The following GRIN2B variants were observed in gnomAD, a reference collection of about 807,000 sequenced individuals.
GRIN2B encodes the protein glutamate ionotropic receptor NMDA type subunit 2B, also known as glutamate receptor ionotropic, NMDA 2B.
A neutral mutation model predicts 114.5 loss-of-function variants in GRIN2B; 5 were observed. The ratio of observed to expected loss-of-function variants is 0.04; its 90% confidence interval spans 0.02 to 0.09. The LOEUF (loss-of-function observed/expected upper bound fraction) is 0.09, where lower values mean the gene tolerates loss of function less well. GRIN2B is among the 10% of genes least tolerant of loss of function. The pLI, the probability that GRIN2B is intolerant of heterozygous loss-of-function variation, is 1.00. For synonymous variants in GRIN2B, 787 were observed against 745.1 expected (o/e 1.06, Z -0.92); for missense variants, 1,108 against 1,943.5 (o/e 0.57, Z 8.08).
At chr12:13,566,990 T>C in intron 13 of GRIN2B, 35 bp downstream of exon 13, 1 of 1,432,450 alleles carries the variant, frequency 7.0e-7, no homozygotes, top group Non-Finnish European at 9.9e-7. Flanking sequence ...AAGCTGTCCC[T>C]AACAAGCTTT....
intron 4 of GRIN2B, among the ~76,000 whole-genome samples, chr12:13,751,645 A>T (rs1320444773): frequency 1.3e-5 from 2 of 152,146 alleles, no homozygotes; most frequent in African/African-American, 4.8e-5. Flanking sequence ...GTGGGAGACT[A>T]GTGGGAGAAG....
intron 5 of GRIN2B, among the ~76,000 whole-genome samples, chr12:13,651,469 A>C (rs1407085207): frequency 6.6e-6 from 1 of 152,138 alleles, no homozygotes; most frequent in African/African-American, 2.4e-5. Context: ...ACTTTGTCAA[A>C]AAATAGCACC....
At position 13,913,875 on chromosome 12, in the gene GRIN2B, C is replaced by T. The variant is rs149261034; in HGVS notation, c.-18-47649G>A. Reference sequence around the variant, plus strand: ...TCAGTTTCCTCATCTATAAAATAGACGTAACAGTAGTATCTACCTCATAGA... The same window carrying T: ...TCAGTTTCCTCATCTATAAAATAGATGTAACAGTAGTATCTACCTCATAGA... On this transcript the variant is annotated intron_variant, in intron 2 of 13. Transcript: ENST00000609686. Among the ~76,000 whole-genome samples, 1,464 of 152,220 alleles carry T rather than the reference C, an allele frequency of 9.6e-3. 15 individuals carry two copies. Among genetic ancestry groups the T allele is most frequent in the Middle Eastern group, 0.034 (10 of 294 alleles).
intron 2 of GRIN2B, among the ~76,000 whole-genome samples, chr12:13,941,399 C>A (rs112628181): frequency 8.5e-5 from 13 of 152,220 alleles, no homozygotes; most frequent in African/African-American, 2.9e-4. Context: ...AGGCAGGTTG[C>A]CAAACCCTCC....
At position 13,696,832 on chromosome 12, in the gene GRIN2B, A is replaced by G. The variant is rs547710073; in HGVS notation, c.1011-20973T>C. Among the ~76,000 whole-genome samples, 7 of 152,264 alleles carry G rather than the reference A, an allele frequency of 4.6e-5. No homozygotes were observed. The East Asian group carries it at 1.4e-3, about 29-fold the overall frequency. On this transcript the variant is annotated intron_variant, in intron 4 of 13. Coordinates refer to ENST00000609686, the MANE Select transcript of GRIN2B (RefSeq NM_000834.5). Reference sequence around the variant, plus strand: ...GGGCATACCTAACCAAAATCAACAGATAACTCCAAAACTTATTGTAGGCAA... The same window carrying G: ...GGGCATACCTAACCAAAATCAACAGGTAACTCCAAAACTTATTGTAGGCAA...
Position 13,558,314 on chromosome 12 carries a change from A to AACAG in GRIN2B, c.*4465_*4468dup, listed in dbSNP as rs1488627553. ...ATCTGAATCATTCCTAACATACAAA[A>AACAG]ACAGACATTCACAGGGTGTCAAGCA... On this transcript the variant is annotated 3_prime_UTR_variant, in exon 14 of 14. Coordinates refer to ENST00000609686, the MANE Select transcript of GRIN2B (RefSeq NM_000834.5). 6.6e-6 allele frequency: 1 copy of AACAG among 152,142 alleles called. No homozygotes were observed. The highest frequency in any genetic ancestry group is 1.5e-5 in the Non-Finnish European group (1 of 68,038). The allele number at this position is 152,142 out of a possible 1,614,324, so 9.4% of individuals were successfully genotyped here.
intron 2 of GRIN2B, among the ~76,000 whole-genome samples, chr12:13,923,297 T>A (rs1565588170): frequency 6.6e-6 from 1 of 152,194 alleles, no homozygotes. Context: ...TAGATTCAAC[T>A]TGGAAACAAT....
At chr12:13,722,567 A>G (rs1396485629) in intron 4 of GRIN2B, among the ~76,000 whole-genome samples, 1 of 152,092 alleles carries the variant, frequency 6.6e-6, no homozygotes, top group Non-Finnish European at 1.5e-5. Context: ...CTGGCAGAAT[A>G]ACTCAATTTT....
intron 4 of GRIN2B, among the ~76,000 whole-genome samples, chr12:13,697,756 T>C (rs181556769): frequency 6.6e-6 from 1 of 152,180 alleles, no homozygotes; most frequent in African/African-American, 2.4e-5. Flanking sequence ...TGTACTTTTG[T>C]GTGCATTTCA....
chr12:13,547,795 C>T lies in GRIN2B; in HGVS notation c.*14988G>A, dbSNP rs1451016938. ...CCTGATTCTTTTGGAAGTTATTGGGCATCTGCATTTTCCCAGGAGACTTCT... is the reference window on the plus strand; with the variant it reads ...CCTGATTCTTTTGGAAGTTATTGGGTATCTGCATTTTCCCAGGAGACTTCT... On this transcript the variant is annotated 3_prime_UTR_variant, in exon 14 of 14. Transcript: ENST00000609686. 6.6e-6 allele frequency: 1 copy of T among 151,726 alleles called. No homozygotes were observed. Among genetic ancestry groups the T allele is most frequent in the East Asian group, 1.9e-4 (1 of 5,160 alleles). 9.4% of individuals were successfully genotyped at this position (151,726 alleles called of 1,614,324 possible).
At chr12:13,682,202 G>T (rs912972889) in intron 4 of GRIN2B, among the ~76,000 whole-genome samples, 14 of 152,170 alleles carry the variant, frequency 9.2e-5, no homozygotes, top group African/African-American at 3.4e-4. Context: ...TGGCAGGCAA[G>T]ATTATTACAA....
At chr12:13,681,910 G>A (rs1950134543) in intron 4 of GRIN2B, among the ~76,000 whole-genome samples, 1 of 152,096 alleles carries the variant, frequency 6.6e-6, no homozygotes, top group African/African-American at 2.4e-5. Context: ...TCTTTTGAAA[G>A]ACTAGAGTTT....
intron 10 of GRIN2B, among the ~76,000 whole-genome samples, chr12:13,595,690 C>T (rs2136447763): frequency 6.6e-6 from 1 of 152,118 alleles, no homozygotes; most frequent in East Asian, 1.9e-4. Flanking sequence ...AGCCTCTCCT[C>T]ATTAGCAACC....
chr12:13,609,772 C>CAAA (rs35580358), intron 9 of GRIN2B, among the ~76,000 whole-genome samples: 2 of 110,338 alleles, frequency 1.8e-5, no homozygotes, highest in African/African-American at 3.4e-5. Context: ...GACTCTGTCT[C>CAAA]AAAAAAAAAA....
chr12:13,587,344 C>CTTTTTTTTTTTT (rs112925422), intron 10 of GRIN2B, among the ~76,000 whole-genome samples: 1 of 138,974 alleles, frequency 7.2e-6, no homozygotes, highest in African/African-American at 2.6e-5. Flanking sequence ...CTTTTTATTT[C>CTTTTTTTTTTTT]TTTTTTTTTT....
intron 4 of GRIN2B, among the ~76,000 whole-genome samples, chr12:13,701,664 A>C (rs1591684766): frequency 1.3e-5 from 2 of 152,140 alleles, no homozygotes; most frequent in East Asian, 3.9e-4. Flanking sequence ...GCAAGATCAC[A>C]ATGGAAGGTT....
chr12:13,979,224 A>G (rs1278267511), intron 2 of GRIN2B, among the ~76,000 whole-genome samples: 1 of 152,198 alleles, frequency 6.6e-6, no homozygotes, highest in African/African-American at 2.4e-5. Context: ...AAAGCAGAAT[A>G]TTGACAGAAT....
At chr12:13,956,692 C>G (rs1309111535) in intron 2 of GRIN2B, among the ~76,000 whole-genome samples, 1 of 152,172 alleles carries the variant, frequency 6.6e-6, no homozygotes, top group Admixed American at 6.5e-5. Context: ...CCAGTAAGCC[C>G]GTGAGCCACA....
At chr12:13,592,611 G>T (rs1949022790) in intron 10 of GRIN2B, among the ~76,000 whole-genome samples, 1 of 152,190 alleles carries the variant, frequency 6.6e-6, no homozygotes, top group Admixed American at 6.5e-5. Context: ...GGGTAATGAA[G>T]TATTGGAGGA....
Sources: allele counts gnomAD v4.1 joint callset (sites outside exome capture counted in the v4.1 genomes callset), GRCh38; gene constraint gnomAD v4.1.1; transcripts MANE v1.5; gene names NCBI Gene and HGNC (gene_info 2026-07-23, HGNC 2026-07-21).